Variants in DCAF10 observed in about 807,000 individuals in gnomAD.
DCAF10 encodes the protein DDB1- and CUL4-associated factor 10.
In DCAF10, 19 loss-of-function variants were observed where a neutral mutation model predicts 51.9. The ratio of observed to expected loss-of-function variants is 0.37; its 90% CI spans 0.26 to 0.54. DCAF10 has a LOEUF of 0.54. Ranked by LOEUF, DCAF10 falls within the 20% of genes least tolerant of loss-of-function variation. DCAF10 has a pLI of 0.87. For missense variants in DCAF10, 510 were observed against 730.6 expected (o/e 0.70, Z 3.48); for synonymous variants, 291 against 297.1 (o/e 0.98, Z 0.21).
chr9:37,854,161 G>A (rs1830777395), intron 3 of DCAF10, among the ~76,000 whole-genome samples: 1 of 151,392 alleles, frequency 6.6e-6, no homozygotes, highest in Non-Finnish European at 1.5e-5. Context: ...GTGCAGTCGT[G>A]TGATCATAGC....
chr9:37,844,761 G>C (rs1375939311), intron 3 of DCAF10, among the ~76,000 whole-genome samples: 1 of 152,140 alleles, frequency 6.6e-6, no homozygotes, highest in African/African-American at 2.4e-5. Context: ...GCTTGAACCT[G>C]GGAGGCAGAG....
At chr9:37,803,218 A>G (rs891173769) in intron 1 of DCAF10, among the ~76,000 whole-genome samples, 3 of 152,216 alleles carry the variant, frequency 2.0e-5, no homozygotes, top group Non-Finnish European at 4.4e-5. Flanking sequence ...AACATTGCTT[A>G]TGATCCCAGA....
At chr9:37,855,991 A>C (rs57980756) in intron 4 of DCAF10, among the ~76,000 whole-genome samples, 2,994 of 152,210 alleles carry the variant, frequency 0.02, 100 homozygotes, top group African/African-American at 0.068. Context: ...TCTCTACGAA[A>C]AACACAAAAA....
rs771553791 is a variant in DCAF10, at chr9:37,801,063, C to T, written c.197C>T (p.Pro66Leu). 7.8e-6 allele frequency: 12 copies of T among 1,532,796 alleles called. No individual in the cohort carries two copies. In the South Asian group the frequency reaches 1.4e-4, roughly 18 times the overall value. The allele number at this position is 1,532,796 out of a possible 1,614,324, so 94.9% of individuals were successfully genotyped here. Residue 66 changes from proline (P) to leucine (L), a missense_variant, in exon 1 of 7, where the codon CCG becomes CTG. Pro to Leu is a moderately conservative substitution (Grantham distance 98). Transcript: ENST00000377724. The surrounding 1 kb of genome is among the most constrained non-coding windows in gnomAD (Gnocchi z 5.5). ...RPGAPSLSPA[P>L]RSGELGLPGA... ...GGCGCCCCATCGCTGTCCCCGGCCC[C>T]GCGCTCCGGAGAGCTAGGGCTGCCT...
At chr9:37,818,584 CAA>C (rs2119054020) in intron 1 of DCAF10, among the ~76,000 whole-genome samples, 1 of 152,170 alleles carries the variant, frequency 6.6e-6, no homozygotes, top group East Asian at 1.9e-4. Context: ...AGGCCTGAAA[CAA>C]GAGACAAACC....
chr9:37,857,639 A>T (rs990019578), intron 5 of DCAF10, among the ~76,000 whole-genome samples: 5 of 152,184 alleles, frequency 3.3e-5, no homozygotes, highest in Admixed American at 6.5e-5. Context: ...TTCAATCAAG[A>T]TTGTTGTGAA....
chr9:37,809,035 G>C (rs767024482), intron 1 of DCAF10, among the ~76,000 whole-genome samples: 1 of 149,346 alleles, frequency 6.7e-6, no homozygotes, highest in Non-Finnish European at 1.5e-5. Flanking sequence ...TTGAGCTTCA[G>C]AGTTTGAGGT....
At position 37,861,714 on chromosome 9, in the gene DCAF10, C is replaced by G. The variant is rs1030924225; in HGVS notation, c.*206C>G. The G allele has an allele frequency of 1.7e-6, 1 of 602,332 alleles. No homozygotes were observed. The highest frequency in any genetic ancestry group is 2.7e-6 in the Non-Finnish European group (1 of 364,640). The allele number at this position is 602,332 out of a possible 1,614,324, so 37.3% of individuals were successfully genotyped here. A position where few individuals can be genotyped will look rare whatever the true frequency, so the allele number is the denominator to read the frequency against. The stretch of plus-strand genomic sequence containing the variant: ...CAAGTTAGACTCTATGCAGCATCAT[C>G]TTTTGCAGCATTCCTCTGCTCCTGC... On this transcript the variant is annotated 3_prime_UTR_variant, in exon 7 of 7. Transcript: ENST00000377724. The surrounding 1 kb of genome is among the most constrained non-coding windows in gnomAD (Gnocchi z 4.9).
intron 3 of DCAF10, among the ~76,000 whole-genome samples, chr9:37,853,999 G>A (rs548643834): frequency 1.3e-5 from 2 of 151,996 alleles, no homozygotes; most frequent in Non-Finnish European, 2.9e-5. Context: ...AATATTATTA[G>A]TCCACAATTG....
At chr9:37,820,516 C>T (rs1829671331) in intron 2 of DCAF10, among the ~76,000 whole-genome samples, 1 of 152,196 alleles carries the variant, frequency 6.6e-6, no homozygotes, top group African/African-American at 2.4e-5. Context: ...GAGCTATTCA[C>T]TACCCGAGAC....
At chr9:37,815,951 A>G (rs1163960365) in intron 1 of DCAF10, among the ~76,000 whole-genome samples, 3 of 152,034 alleles carry the variant, frequency 2.0e-5, no homozygotes, top group Non-Finnish European at 4.4e-5. Flanking sequence ...GCACCATCAT[A>G]CCTGGCTAAT....
intron 5 of DCAF10, among the ~76,000 whole-genome samples, chr9:37,857,733 C>T (rs778473641): frequency 1.3e-5 from 2 of 152,096 alleles, no homozygotes; most frequent in Admixed American, 6.6e-5. Context: ...ACCTGGTTAC[C>T]CTCAGACTTT....
chr9:37,820,359 G>A (rs560614347), intron 2 of DCAF10, among the ~76,000 whole-genome samples: 2 of 152,336 alleles, frequency 1.3e-5, no homozygotes, highest in South Asian at 4.1e-4. Flanking sequence ...AGCACTGACA[G>A]CTAGTAGTTT....
At chr9:37,848,945 C>T (rs976994039) in intron 3 of DCAF10, among the ~76,000 whole-genome samples, 3 of 149,368 alleles carry the variant, frequency 2.0e-5, no homozygotes, top group African/African-American at 7.5e-5. Flanking sequence ...TGCTCTCCAG[C>T]CTGGGCGACA....
intron 3 of DCAF10, among the ~76,000 whole-genome samples, chr9:37,846,648 G>C (rs1447454098): frequency 3.3e-5 from 5 of 151,872 alleles, no homozygotes. Flanking sequence ...GTAGAGACAG[G>C]GTTTCACCAT....
chr9:37,839,388 T>C (rs1830268496), intron 2 of DCAF10, among the ~76,000 whole-genome samples: 1 of 151,972 alleles, frequency 6.6e-6, no homozygotes, highest in Non-Finnish European at 1.5e-5. Flanking sequence ...ATATTTTCAG[T>C]AGAAATGTTT....
At chr9:37,838,041 A>T (rs1413585768) in intron 2 of DCAF10, among the ~76,000 whole-genome samples, 2 of 152,142 alleles carry the variant, frequency 1.3e-5, no homozygotes, top group Non-Finnish European at 2.9e-5. Context: ...AAAAAATTAA[A>T]ATTTTGATAT....
rs185238737 is a variant in DCAF10, at chr9:37,851,223, G to A, written c.852-3557G>A. ...TGTGCCACTGCACTCCAGCTTGAGC[G>A]ACAGAGTGGAATATAGTGGCACAAT... On this transcript the variant is annotated intron_variant, in intron 3 of 6. Transcript: ENST00000377724. Among the ~76,000 whole-genome samples, 72 of 151,808 alleles carry A rather than the reference G, an allele frequency of 4.7e-4. 1 individual carries two copies. The highest frequency in any genetic ancestry group is 8.5e-4 in the Non-Finnish European group (58 of 67,952).
At chr9:37,802,628 GGAGT>G (rs1373505355) in intron 1 of DCAF10, among the ~76,000 whole-genome samples, 4 of 152,128 alleles carry the variant, frequency 2.6e-5, no homozygotes, top group African/African-American at 7.2e-5. Context: ...AATAGAAACA[GGAGT>G]TACTGTGAGC....
Sources: gnomAD v4.1 joint callset for allele counts (sites outside exome capture counted in the v4.1 genomes callset) on GRCh38, gnomAD v4.1.1 for gene constraint, Gnocchi (gnomAD v3.1) non-coding constraint, MANE v1.5 for transcripts, NCBI Gene and HGNC (gene_info 2026-07-23, HGNC 2026-07-21) for gene names.